The following CSMD1 variants were observed in gnomAD, a reference collection of about 807,000 sequenced individuals.
CSMD1 encodes CUB and Sushi multiple domains 1.
In CSMD1, 213 loss-of-function variants were observed where a neutral mutation model predicts 417.5. The observed-to-expected ratio is 0.51, with a 90% CI of 0.46 to 0.57. The LOEUF is 0.57. Among genes scored for constraint, CSMD1 ranks in the 20% least tolerant of loss-of-function variants. CSMD1 has a pLI of 0.00. For synonymous variants in CSMD1, 2,862 were observed against 1,736.8 expected, an observed-to-expected ratio of 1.65 and a Z score of -16.11; for missense variants, 6,923 against 4,529.7, an observed-to-expected ratio of 1.53 and a Z score of -15.17.
intron 3 of CSMD1, among the ~76,000 whole-genome samples, chr8:4,122,166 C>G (rs559280942): frequency 6.6e-6 from 1 of 152,138 alleles, no homozygotes; most frequent in Admixed American, 6.5e-5. Flanking sequence ...TCCTGACAGA[C>G]TTGATAAGAA....
intron 1 of CSMD1, among the ~76,000 whole-genome samples, chr8:4,960,518 G>A (rs1205185806): frequency 6.6e-6 from 1 of 152,136 alleles, no homozygotes; most frequent in Non-Finnish European, 1.5e-5. Context: ...GAACAAGATA[G>A]ATGTAAAGTT....
intron 1 of CSMD1, chr8:4,788,035 T>C: frequency 1.3e-6 from 2 of 1,591,034 alleles, no homozygotes; most frequent in East Asian, 2.2e-5. Context: ...CCTGAAGGGC[T>C]CCAAATGGTA....
chr8:4,756,632 C>T (rs1454930255), intron 1 of CSMD1, among the ~76,000 whole-genome samples: 1 of 152,162 alleles, frequency 6.6e-6, no homozygotes, highest in African/African-American at 2.4e-5. Context: ...TTGTCTCACT[C>T]CAGGATTAAC....
At chr8:3,186,895 G>A (rs1447795579) in intron 36 of CSMD1, among the ~76,000 whole-genome samples, 1 of 152,198 alleles carries the variant, frequency 6.6e-6, no homozygotes, top group East Asian at 1.9e-4. Flanking sequence ...AGTTGGTGCT[G>A]TCATATTGGC....
intron 3 of CSMD1, among the ~76,000 whole-genome samples, chr8:4,200,497 G>C (rs956501582): frequency 2.0e-5 from 3 of 152,066 alleles, no homozygotes; most frequent in African/African-American, 4.8e-5. Flanking sequence ...TAATCACTTA[G>C]GTAAAAAATG....
At chr8:3,535,539 T>C (rs1335120021) in intron 10 of CSMD1, among the ~76,000 whole-genome samples, 1 of 152,034 alleles carries the variant, frequency 6.6e-6, no homozygotes, top group Non-Finnish European at 1.5e-5. Context: ...CACGGAGACT[T>C]GGAAGGGGGC....
chr8:3,753,040 T>G (rs1049170467), intron 6 of CSMD1, among the ~76,000 whole-genome samples: 1 of 152,232 alleles, frequency 6.6e-6, no homozygotes, highest in Non-Finnish European at 1.5e-5. Context: ...ACTGTCTCCG[T>G]GACCTGCTAG....
intron 68 of CSMD1, among the ~76,000 whole-genome samples, chr8:2,946,687 T>C (rs1201692415): frequency 6.6e-6 from 1 of 152,244 alleles, no homozygotes; most frequent in African/African-American, 2.4e-5. Context: ...TTATAAATAA[T>C]GCTGCTCTAA....
intron 1 of CSMD1, among the ~76,000 whole-genome samples, chr8:4,820,427 G>C (rs987303228): frequency 6.6e-6 from 1 of 152,094 alleles, no homozygotes; most frequent in Non-Finnish European, 1.5e-5. Context: ...ACGAGAGCAA[G>C]ATTAAATAGT....
rs1023547250 is a variant in CSMD1 at position 4,650,214 on chromosome 8, G to A, written c.86-12656C>T. Among the ~76,000 whole-genome samples, 30 of 151,688 alleles carry A rather than the reference G, an allele frequency of 2.0e-4. 2 individuals are homozygous for A. The highest frequency in any genetic ancestry group is 6.5e-4 in the African/African-American group (27 of 41,400). On this transcript the variant is annotated intron_variant, in intron 1 of 69. Transcript: ENST00000635120. ...CAAAAAATTAGCCGGGTGTGGTGGC[G>A]GGCGCCTGTAGTCCCAGCTACTCGG...
chr8:4,475,044 G>C (rs927432324), intron 2 of CSMD1, among the ~76,000 whole-genome samples: 1 of 152,124 alleles, frequency 6.6e-6, no homozygotes, highest in Non-Finnish European at 1.5e-5. Context: ...AGGGGTCAGT[G>C]TCCTAACCTC....
chr8:4,475,397 G>C (rs561334876), intron 2 of CSMD1, among the ~76,000 whole-genome samples: 6 of 152,206 alleles, frequency 3.9e-5, no homozygotes, highest in East Asian at 1.9e-4. Flanking sequence ...TTATGATCCT[G>C]AAAACTTGTT....
intron 3 of CSMD1, among the ~76,000 whole-genome samples, chr8:4,279,938 C>T (rs2128858628): frequency 6.6e-6 from 1 of 152,206 alleles, no homozygotes; most frequent in East Asian, 1.9e-4. Flanking sequence ...ATACAAATCA[C>T]AAGAAAAGTA....
intron 23 of CSMD1, among the ~76,000 whole-genome samples, chr8:3,322,074 A>G (rs1041576128): frequency 2.0e-5 from 3 of 152,220 alleles, no homozygotes; most frequent in African/African-American, 7.2e-5. Context: ...GGATTATTTT[A>G]CATAATATAT....
intron 4 of CSMD1, among the ~76,000 whole-genome samples, chr8:4,004,903 C>T (rs1320885860): frequency 6.6e-6 from 1 of 151,990 alleles, no homozygotes; most frequent in Non-Finnish European, 1.5e-5. Context: ...CGCCACCATG[C>T]CCAGCTAATT....
intron 4 of CSMD1, among the ~76,000 whole-genome samples, chr8:4,020,370 T>C (rs1796727071): frequency 1.3e-5 from 2 of 152,214 alleles, no homozygotes; most frequent in South Asian, 2.1e-4. Flanking sequence ...AGATGTTGTA[T>C]TTCATTTAAT....
intron 7 of CSMD1, among the ~76,000 whole-genome samples, chr8:3,701,691 T>C (rs2623582): frequency 0.032 from 4,819 of 152,258 alleles, 213 homozygotes; most frequent in African/African-American, 0.1. Flanking sequence ...AATGGTTCAA[T>C]CAGTCAGGGT....
At chr8:3,860,708 A>C (rs1317461138) in intron 5 of CSMD1, among the ~76,000 whole-genome samples, 1 of 152,202 alleles carries the variant, frequency 6.6e-6, no homozygotes, top group African/African-American at 2.4e-5. Context: ...AGATGAACTA[A>C]ATGCAATACA....
At chr8:3,865,310 G>T (rs79961654) in intron 5 of CSMD1, among the ~76,000 whole-genome samples, 1 of 152,116 alleles carries the variant, frequency 6.6e-6, no homozygotes, top group Non-Finnish European at 1.5e-5. Flanking sequence ...TGTGACATAC[G>T]CACTCAATTT....
Sources: gnomAD v4.1 joint callset for allele counts (sites outside exome capture counted in the v4.1 genomes callset) on GRCh38, gnomAD v4.1.1 for gene constraint, MANE v1.5 for transcripts, NCBI Gene and HGNC (gene_info 2026-07-23, HGNC 2026-07-21) for gene names.